SEMA3D: variants seen among roughly 807,000 people sequenced by gnomAD.
SEMA3D encodes the protein semaphorin 3D, also known as semaphorin-3D.
Under a neutral mutation model 100.1 loss-of-function variants are expected in SEMA3D, and 84 were observed. That is an observed-to-expected ratio of 0.84 (90% CI 0.70 to 1.01). SEMA3D has a LOEUF of 1.01. SEMA3D is among the 50% of genes least tolerant of loss of function. The pLI, the probability that SEMA3D is intolerant of heterozygous loss-of-function variation, is 0.00. For synonymous variants in SEMA3D, 312 were observed against 320.7 expected (o/e 0.97, Z 0.29); for missense variants, 875 against 934.1 (o/e 0.94, Z 0.82).
At chr7:85,069,578 G>A (rs1425431378) in intron 6 of SEMA3D, among the ~76,000 whole-genome samples, 1 of 152,102 alleles carries the variant, frequency 6.6e-6, no homozygotes, top group Non-Finnish European at 1.5e-5. Context: ...TGTATTTTGA[G>A]ACTTCAACTT....
intron 2 of SEMA3D, among the ~76,000 whole-genome samples, chr7:85,136,096 A>G (rs1274923698): frequency 6.6e-6 from 1 of 152,120 alleles, no homozygotes; most frequent in East Asian, 1.9e-4. Context: ...AAAAATGTAG[A>G]GATGTAGAGA....
At chr7:85,248,772 G>A in the SEMA3D span, among the ~76,000 whole-genome samples, 1 of 151,986 alleles carries the variant, frequency 6.6e-6, no homozygotes, top group African/African-American at 2.4e-5. Context: ...TCTGGAAAGG[G>A]CATAACTATG....
At chr7:85,029,499 C>T (rs375785251) in intron 12 of SEMA3D, 23 of 658,296 alleles carry the variant, frequency 3.5e-5, no homozygotes, top group African/African-American at 8.9e-5. Flanking sequence ...TCAACTGGCT[C>T]GACAAGAATC....
intron 2 of SEMA3D, among the ~76,000 whole-genome samples, chr7:85,150,393 T>C (rs911220823): frequency 7.2e-6 from 1 of 139,396 alleles, no homozygotes; most frequent in Non-Finnish European, 1.6e-5. Flanking sequence ...CACACACATA[T>C]ATTTACAGGG....
intron 9 of SEMA3D, chr7:85,050,634 T>C (rs896831657): frequency 9.5e-6 from 4 of 422,328 alleles, no homozygotes; most frequent in African/African-American, 4.1e-5. Context: ...TCTTCATTGA[T>C]ATCTCTTGAC....
At chr7:85,068,089 T>C (rs1365191788) in intron 7 of SEMA3D, 102 bp downstream of exon 7, 11 of 693,396 alleles carry the variant, frequency 1.6e-5, no homozygotes, top group Non-Finnish European at 2.8e-5. Context: ...TGTGGAAGAT[T>C]AGTAAAAAAT....
the SEMA3D span, among the ~76,000 whole-genome samples, chr7:85,246,996 G>T: frequency 3.3e-5 from 5 of 151,896 alleles, no homozygotes; most frequent in Non-Finnish European, 2.9e-5. Context: ...TGAAAAATTT[G>T]GTAAAATAAT....
intron 3 of SEMA3D, among the ~76,000 whole-genome samples, chr7:85,116,617 C>T (rs1789252850): frequency 6.6e-6 from 1 of 151,572 alleles, no homozygotes; most frequent in Admixed American, 6.6e-5. Flanking sequence ...TTTTGTTTCA[C>T]TTATGCTGAT....
intron 3 of SEMA3D, among the ~76,000 whole-genome samples, chr7:85,107,762 C>G (rs997792114): frequency 6.6e-6 from 1 of 151,952 alleles, no homozygotes; most frequent in Non-Finnish European, 1.5e-5. Flanking sequence ...TGTTTAACCC[C>G]CCTCACACAA....
intron 4 of SEMA3D, 36 bp downstream of exon 4, chr7:85,097,769 A>G: frequency 1.0e-5 from 13 of 1,302,960 alleles, no homozygotes; most frequent in Non-Finnish European, 1.4e-5. Flanking sequence ...ATGAAAATAA[A>G]TGAATTTAAC....
At chr7:85,151,089 A>G (rs1790367484) in intron 2 of SEMA3D, among the ~76,000 whole-genome samples, 2 of 119,834 alleles carry the variant, frequency 1.7e-5, no homozygotes. Context: ...CAATAAAAAA[A>G]ATCCACACAC....
the SEMA3D span, among the ~76,000 whole-genome samples, chr7:85,213,346 G>A: frequency 2.0e-5 from 3 of 151,944 alleles, no homozygotes; most frequent in African/African-American, 7.3e-5. Flanking sequence ...ACGATACTAA[G>A]CTTTAATAGT....
At chr7:85,087,859 T>C (rs961513244) in intron 4 of SEMA3D, among the ~76,000 whole-genome samples, 5 of 152,180 alleles carry the variant, frequency 3.3e-5, no homozygotes, top group African/African-American at 1.2e-4. Context: ...ATATTTTCTT[T>C]TAGAGTTGTA....
chr7:85,196,331 T>C, the SEMA3D span, among the ~76,000 whole-genome samples: 1 of 150,596 alleles, frequency 6.6e-6, no homozygotes, highest in South Asian at 2.1e-4. Flanking sequence ...GGAAAAACAA[T>C]ATCATTTAGA....
chr7:85,029,680 T>C, intron 12 of SEMA3D: 1 of 373,770 alleles, frequency 2.7e-6, no homozygotes. Context: ...GGCCCACCAC[T>C]GAAGAGGTTG....
intron 12 of SEMA3D, chr7:85,028,384 C>CAA (rs61589019): frequency 0.025 from 4,647 of 183,680 alleles, 289 homozygotes; most frequent in African/African-American, 0.14. Flanking sequence ...ACAGTTTAGA[C>CAA]AAAAAAAAAA....
chr7:85,215,914 G>A, the SEMA3D span, among the ~76,000 whole-genome samples: 1,422 of 152,138 alleles, frequency 9.3e-3, 11 homozygotes, highest in Admixed American at 0.017. Context: ...ATAAAAGCTA[G>A]TTGTAATGAG....
intron 1 of SEMA3D, among the ~76,000 whole-genome samples, chr7:85,163,472 C>A (rs1790804021): frequency 6.6e-6 from 1 of 151,414 alleles, no homozygotes; most frequent in African/African-American, 2.4e-5. Flanking sequence ...AAAAAAAAGG[C>A]TATAAAAATG....
At chr7:85,249,332 G>A in the SEMA3D span, among the ~76,000 whole-genome samples, 1 of 152,130 alleles carries the variant, frequency 6.6e-6, no homozygotes. Flanking sequence ...ACTGACACAG[G>A]AAAGAAGAGC....
Sources: allele counts gnomAD v4.1 joint callset (sites outside exome capture counted in the v4.1 genomes callset), GRCh38; gene constraint gnomAD v4.1.1; transcripts MANE v1.5; gene names NCBI Gene and HGNC (gene_info 2026-07-23, HGNC 2026-07-21).